The following FBLN5 variants were observed in gnomAD, a reference collection of about 807,000 sequenced individuals.
FBLN5 encodes the protein fibulin-5.
Under a neutral mutation model 61.6 loss-of-function variants are expected in FBLN5, and 24 were observed. That is an observed-to-expected ratio of 0.39 (90% confidence interval 0.28 to 0.55). FBLN5 has a LOEUF of 0.55. Among genes scored for constraint, FBLN5 ranks in the 20% least tolerant of loss-of-function variants. The pLI is 0.65. For missense variants in FBLN5, 470 were observed against 594.1 expected, an observed-to-expected ratio of 0.79 and a Z score of 2.17; for synonymous variants, 213 against 219.8, an observed-to-expected ratio of 0.97 and a Z score of 0.27.
Position 91,883,163 on chromosome 14 carries a change from T to C in FBLN5, c.740-87A>G, listed in dbSNP as rs888027842. On this transcript the variant is annotated intron_variant, in intron 7 of 10. Coordinates refer to ENST00000342058, the MANE Select transcript of FBLN5 (RefSeq NM_006329.4). ...TGGCCATCTACTCCAACTCTCACACTGTCTTGATACATACAATGGCTTTAC... is the reference window on the plus strand; with the variant it reads ...TGGCCATCTACTCCAACTCTCACACCGTCTTGATACATACAATGGCTTTAC... The C allele has an allele frequency of 1.1e-5, 16 of 1,457,038 alleles. 1 individual carries two copies. The Admixed American group carries it at 2.7e-4, about 25-fold the overall frequency. 90.3% of individuals were successfully genotyped at this position (1,457,038 alleles called of 1,614,324 possible).
At chr14:91,884,712 C>T (rs901253939) in intron 7 of FBLN5, among the ~76,000 whole-genome samples, 1 of 152,322 alleles carries the variant, frequency 6.6e-6, no homozygotes, top group East Asian at 1.9e-4. Flanking sequence ...GAGGGATCAG[C>T]GGAGCTGGGG....
chr14:91,885,183 T>C (rs1347862967), intron 7 of FBLN5, among the ~76,000 whole-genome samples: 1 of 152,214 alleles, frequency 6.6e-6, no homozygotes, highest in Non-Finnish European at 1.5e-5. Flanking sequence ...CAGTCTGCTC[T>C]AGAAAGCCTA....
At chr14:91,927,828 C>G (rs10149504) in intron 4 of FBLN5, among the ~76,000 whole-genome samples, 4 of 152,130 alleles carry the variant, frequency 2.6e-5, no homozygotes, top group Admixed American at 6.5e-5. Context: ...CAACACCACT[C>G]GCTTTTCACA....
At chr14:91,932,646 C>A (rs546805788) in intron 4 of FBLN5, among the ~76,000 whole-genome samples, 2 of 152,230 alleles carry the variant, frequency 1.3e-5, no homozygotes, top group South Asian at 4.1e-4. Flanking sequence ...AATAGCCTGC[C>A]CAAAAATTTA....
intron 9 of FBLN5, among the ~76,000 whole-genome samples, chr14:91,879,978 A>G (rs959033415): frequency 6.6e-6 from 1 of 152,194 alleles, no homozygotes; most frequent in Non-Finnish European, 1.5e-5. Context: ...GATAAAAGAG[A>G]AGGAAAAGGA....
intron 4 of FBLN5, among the ~76,000 whole-genome samples, chr14:91,929,361 T>C (rs898041027): frequency 5.3e-5 from 8 of 152,100 alleles, no homozygotes; most frequent in African/African-American, 1.2e-4. Flanking sequence ...TAATGCTAAA[T>C]CTCAATTCAA....
intron 4 of FBLN5, among the ~76,000 whole-genome samples, chr14:91,920,975 T>C (rs1295461736): frequency 6.6e-6 from 1 of 152,234 alleles, no homozygotes; most frequent in African/African-American, 2.4e-5. Context: ...AGCCAAAGGC[T>C]AGTAGGCCTG....
At chr14:91,880,552 TG>T (rs1889386471) in intron 9 of FBLN5, among the ~76,000 whole-genome samples, 6 of 151,926 alleles carry the variant, frequency 3.9e-5, no homozygotes, top group East Asian at 1.9e-4. Flanking sequence ...TGTGTGTGTG[TG>T]TGTGTGTGTT....
At chr14:91,927,966 G>A (rs2430373) in intron 4 of FBLN5, among the ~76,000 whole-genome samples, 9,055 of 152,346 alleles carry the variant, frequency 0.059, 377 homozygotes, top group Middle Eastern at 0.12. Flanking sequence ...CTGGGGAAGT[G>A]ACCTACTACA....
At chr14:91,887,582 A>G (rs574986055) in intron 6 of FBLN5, among the ~76,000 whole-genome samples, 17 of 152,198 alleles carry the variant, frequency 1.1e-4, no homozygotes, top group African/African-American at 3.6e-4. Context: ...ACATATACAC[A>G]TATACACCTG....
At chr14:91,919,093 G>T (rs1367595396) in intron 4 of FBLN5, among the ~76,000 whole-genome samples, 1 of 152,110 alleles carries the variant, frequency 6.6e-6, no homozygotes, top group Non-Finnish European at 1.5e-5. Flanking sequence ...CACTTTGGGA[G>T]GCCAAGATGG....
intron 4 of FBLN5, among the ~76,000 whole-genome samples, chr14:91,901,472 T>G (rs1286974070): frequency 6.6e-6 from 1 of 152,244 alleles, no homozygotes; most frequent in Non-Finnish European, 1.5e-5. Context: ...AGCCCATTTT[T>G]GTTCCTTCCT....
intron 3 of FBLN5, chr14:91,939,767 C>CTCTT: frequency 2.9e-6 from 1 of 344,160 alleles, no homozygotes; most frequent in Non-Finnish European, 5.7e-6. Context: ...TCTTCCTAGT[C>CTCTT]CTCAGAACCT....
At chr14:91,879,667 T>C (rs17127685) in intron 9 of FBLN5, among the ~76,000 whole-genome samples, 7,146 of 152,128 alleles carry the variant, frequency 0.047, 214 homozygotes, top group East Asian at 0.084. Context: ...ACGTCGGGGG[T>C]CAAAGAGCCC....
intron 6 of FBLN5, among the ~76,000 whole-genome samples, chr14:91,889,930 T>TGGGGGCACGGTGCCAGCCTGTG (rs1566805738): frequency 1.3e-5 from 2 of 152,174 alleles, no homozygotes; most frequent in African/African-American, 4.8e-5. Context: ...CAGGAGGTAC[T>TGGGGGCACGGTGCCAGCCTGTG]GGGGGCACGG....
chr14:91,883,507 G>A (rs1409217751), intron 7 of FBLN5, among the ~76,000 whole-genome samples: 1 of 151,986 alleles, frequency 6.6e-6, no homozygotes, highest in Non-Finnish European at 1.5e-5. Flanking sequence ...AGGGCCCTCT[G>A]AAGGGGCAAC....
At chr14:91,913,631 CAG>C (rs1891056477) in intron 4 of FBLN5, among the ~76,000 whole-genome samples, 1 of 152,180 alleles carries the variant, frequency 6.6e-6, no homozygotes, top group African/African-American at 2.4e-5. Context: ...ACAATTTGAG[CAG>C]AGATAATTCT....
Position 91,942,932 on chromosome 14 carries a change from CAGAG to C in FBLN5, c.43_46del (p.Leu15ValfsTer26). 1 of 1,550,108 alleles carries C rather than the reference CAGAG, an allele frequency of 6.5e-7. No homozygotes were observed. Among genetic ancestry groups the C allele is most frequent in the Non-Finnish European group, 8.7e-7 (1 of 1,144,512 alleles). ...CTGTGCATTCCCAGGGCTTGGAAGA[CAGAG>C]AGCCAGAATGGTAACAGTGAGTATC... is the stretch of plus-strand genomic sequence containing the variant. On this transcript the variant is annotated frameshift_variant, in exon 2 of 11. Transcript: ENST00000342058. LOFTEE classifies it high-confidence loss of function.
In FBLN5 at chr14:91,895,053, T is replaced by C; in HGVS notation, c.399A>G (p.Thr133=). 6.2e-7 allele frequency: 1 copy of C among 1,614,188 alleles called. No individual in the cohort carries two copies. Among genetic ancestry groups the C allele is most frequent in the South Asian group, 1.1e-5 (1 of 91,086 alleles). Residue 133 remains threonine (T), a synonymous_variant, in exon 5 of 11, where the codon ACA becomes ACG. Coordinates refer to ENST00000342058, the MANE Select transcript of FBLN5 (RefSeq NM_006329.4). ...NQCVDVDECA[T]DSHQCNPTQI... is the part of the protein sequence containing the mutation. ...GGGTGGGGTTGCACTGGTGGGAATC[T>C]GTTGCACACTCGTCCACATCTGTAA... is the stretch of plus-strand genomic sequence containing the variant.
Sources: gnomAD v4.1 joint callset for allele counts (sites outside exome capture counted in the v4.1 genomes callset) on GRCh38, gnomAD v4.1.1 for gene constraint, MANE v1.5 for transcripts, NCBI Gene and HGNC (gene_info 2026-07-23, HGNC 2026-07-21) for gene names.